RBFOX2: variants seen among roughly 807,000 people sequenced by gnomAD.
RBFOX2 encodes the protein RNA binding protein fox-1 homolog 2.
A neutral mutation model predicts 49.1 loss-of-function variants in RBFOX2; 10 were observed. The observed-to-expected ratio is 0.20, with a 90% confidence interval of 0.13 to 0.35. The LOEUF (loss-of-function observed/expected upper bound fraction) is 0.35. RBFOX2 is among the 10% of genes least tolerant of loss of function. The probability of loss-of-function intolerance (pLI) is 1.00; values close to 1 mark genes in which losing one functional copy is unlikely to be tolerated. For synonymous variants in RBFOX2, 183 were observed against 187.4 expected (o/e 0.98, Z 0.19); for missense variants, 323 against 486.9 (o/e 0.66, Z 3.17).
chr22:35,796,364 TTAAC>T (rs1005934903), intron 2 of RBFOX2, among the ~76,000 whole-genome samples: 9 of 152,112 alleles, frequency 5.9e-5, no homozygotes, highest in African/African-American at 2.2e-4. Flanking sequence ...TTAAAGAAAA[TTAAC>T]TACATTTTCC....
chr22:35,915,892 C>A (rs1343535241), intron 1 of RBFOX2, among the ~76,000 whole-genome samples: 1 of 152,154 alleles, frequency 6.6e-6, no homozygotes. Context: ...AGGAAAGATT[C>A]CTCAATACTG....
At chr22:36,018,135 T>C (rs1403159396) in intron 1 of RBFOX2, among the ~76,000 whole-genome samples, 1 of 152,198 alleles carries the variant, frequency 6.6e-6, no homozygotes, top group Non-Finnish European at 1.5e-5. Flanking sequence ...CTTGACTACT[T>C]GGGCCCAGGC....
chr22:35,906,005 A>T (rs2049085742), intron 1 of RBFOX2, among the ~76,000 whole-genome samples: 1 of 152,220 alleles, frequency 6.6e-6, no homozygotes, highest in Admixed American at 6.5e-5. Flanking sequence ...AGGCTGTACC[A>T]TATATAATAT....
intron 1 of RBFOX2, among the ~76,000 whole-genome samples, chr22:35,879,782 T>C (rs1370312097): frequency 6.6e-6 from 1 of 152,176 alleles, no homozygotes; most frequent in East Asian, 1.9e-4. Flanking sequence ...GTGTCAATAG[T>C]GGAGATAGCG....
intron 1 of RBFOX2, among the ~76,000 whole-genome samples, chr22:35,885,818 T>C (rs1315946475): frequency 6.6e-6 from 1 of 151,642 alleles, no homozygotes; most frequent in Non-Finnish European, 1.5e-5. Context: ...GCCTATAGAT[T>C]TGGGTTAAGT....
At chr22:35,999,992 T>C (rs1474386703) in intron 1 of RBFOX2, 2 of 108,592 alleles carry the variant, frequency 1.8e-5, no homozygotes, top group Non-Finnish European at 4.0e-5. Context: ...GTTATATATA[T>C]ATATATATAT....
At chr22:35,974,711 A>C in intron 1 of RBFOX2, among the ~76,000 whole-genome samples, 1 of 152,110 alleles carries the variant, frequency 6.6e-6, no homozygotes, top group African/African-American at 2.4e-5. Flanking sequence ...CAACAACAAC[A>C]AAAACAGGCT....
chr22:35,872,232 C>T (rs185106182), intron 1 of RBFOX2, among the ~76,000 whole-genome samples: 1 of 152,274 alleles, frequency 6.6e-6, no homozygotes, highest in Non-Finnish European at 1.5e-5. Context: ...TTCTTCAGTG[C>T]CCCGTTGCTC....
At chr22:35,826,551 T>C (rs1955781368) in intron 1 of RBFOX2, among the ~76,000 whole-genome samples, 2 of 152,068 alleles carry the variant, frequency 1.3e-5, no homozygotes, top group Admixed American at 6.5e-5. Flanking sequence ...AGATTGCATA[T>C]AAGAGATAGG....
chr22:35,758,038 G>A (rs1937517175), intron 9 of RBFOX2, among the ~76,000 whole-genome samples: 1 of 152,136 alleles, frequency 6.6e-6, no homozygotes, highest in South Asian at 2.1e-4. Flanking sequence ...TGTATCAAAT[G>A]CCACAAGGAG....
At chr22:35,947,661 AG>A (rs1237893247) in intron 1 of RBFOX2, among the ~76,000 whole-genome samples, 14 of 146,484 alleles carry the variant, frequency 9.6e-5, no homozygotes, top group Non-Finnish European at 1.9e-4. Flanking sequence ...AACAAAAAAA[AG>A]TTTAAAAAGT....
At chr22:35,848,404 T>G (rs755801989) in intron 1 of RBFOX2, among the ~76,000 whole-genome samples, 219 of 152,294 alleles carry the variant, frequency 1.4e-3, no homozygotes, top group Non-Finnish European at 2.7e-3. Flanking sequence ...ATATCATTAA[T>G]ATAAAACATA....
chr22:35,895,246 G>C (rs1373635082), intron 1 of RBFOX2, among the ~76,000 whole-genome samples: 1 of 152,184 alleles, frequency 6.6e-6, no homozygotes, highest in African/African-American at 2.4e-5. Context: ...AAAAGACAGG[G>C]ATGGGTGGGG....
At chr22:35,741,016 A>G (rs1170145735) in exon 12 of RBFOX2, 2 of 151,830 alleles carry the variant, frequency 1.3e-5, no homozygotes, top group African/African-American at 4.8e-5. Flanking sequence ...TTTCTCAAAG[A>G]AAAAAAAATG....
chr22:35,800,512 G>A (rs1013264645), intron 2 of RBFOX2, among the ~76,000 whole-genome samples: 8 of 152,066 alleles, frequency 5.3e-5, no homozygotes, highest in Admixed American at 2.0e-4. Context: ...CTTTTATCCC[G>A]AGGCATTTTG....
At chr22:35,761,611 T>A (rs919931120) in intron 6 of RBFOX2, 143 bp from the exon 8 acceptor site, 4 of 792,988 alleles carry the variant, frequency 5.0e-6, no homozygotes, top group Middle Eastern at 6.2e-4. Flanking sequence ...TTGGGGTTTA[T>A]ATGAGAGAGT....
rs115150526 is a variant in RBFOX2 at position 35,972,028 on chromosome 22, C to T, written c.187-33131G>A. On this transcript the variant is annotated intron_variant, in intron 1 of 13. Coordinates refer to the RBFOX2 transcript ENST00000438146. The stretch of plus-strand genomic sequence containing the variant: ...CATCCCTTCCTTCCAAATCACCCTT[C>T]GGAACATATTTCTCCCACTGCCCTT... 2.4e-4 allele frequency among the ~76,000 whole-genome samples: 37 copies of T among 151,424 alleles called. 1 individual carries two copies. The highest frequency in any genetic ancestry group is 8.5e-4 in the African/African-American group (35 of 41,258).
intron 1 of RBFOX2, among the ~76,000 whole-genome samples, chr22:35,958,109 A>C (rs928089908): frequency 6.6e-6 from 1 of 152,244 alleles, no homozygotes; most frequent in Non-Finnish European, 1.5e-5. Context: ...CCCCAAAAAA[A>C]GTCATTATAG....
chr22:35,767,808 CAA>C (rs1027647709), intron 5 of RBFOX2, among the ~76,000 whole-genome samples: 9 of 152,166 alleles, frequency 5.9e-5, no homozygotes, highest in East Asian at 1.9e-4. Context: ...ACTGGCCTCC[CAA>C]GAGAGAGGAT....
Sources: gnomAD v4.1 joint callset for allele counts (sites outside exome capture counted in the v4.1 genomes callset) on GRCh38, gnomAD v4.1.1 for gene constraint, MANE v1.5 for transcripts, NCBI Gene and HGNC (gene_info 2026-07-23, HGNC 2026-07-21) for gene names.